PRKN: variants seen among roughly 807,000 people sequenced by gnomAD.
PRKN encodes E3 ubiquitin-protein ligase parkin.
A neutral mutation model predicts 59.5 loss-of-function variants in PRKN; 56 were observed. The observed-to-expected ratio is 0.94, with a 90% CI of 0.76 to 1.18. The LOEUF (loss-of-function observed/expected upper bound fraction) is 1.18, where lower values mean the gene tolerates loss of function less well. Ranked by LOEUF, PRKN falls within the 50% of genes most tolerant of loss-of-function variation. PRKN has a pLI of 0.00. For synonymous variants in PRKN, 250 were observed against 222.1 expected (o/e 1.13, Z -1.12); for missense variants, 657 against 596.4 (o/e 1.10, Z -1.06).
In PRKN at chr6:161,825,065, A is replaced by G. The variant is rs560542048; in HGVS notation, c.735-39157T>C. Among the ~76,000 whole-genome samples the G allele has an allele frequency of 1.5e-4, 23 of 152,302 alleles. No homozygotes were observed. In the East Asian group the frequency reaches 4.4e-3, roughly 29 times the overall value. ...TTTGTAAAACTAAAAGGTACTTTTC[A>G]AAACCATCAATAATAAAAATAAATT... On this transcript the variant is annotated intron_variant, in intron 6 of 11. Coordinates refer to ENST00000366898, the MANE Select transcript of PRKN (RefSeq NM_004562.3).
intron 10 of PRKN, among the ~76,000 whole-genome samples, chr6:161,367,976 G>A (rs1471615908): frequency 6.6e-6 from 1 of 152,090 alleles, no homozygotes; most frequent in Non-Finnish European, 1.5e-5. Context: ...CAGAATCGGA[G>A]CCCCGAGCTG....
intron 1 of PRKN, chr6:162,727,358 G>T: frequency 2.3e-6 from 1 of 441,134 alleles, no homozygotes; most frequent in Non-Finnish European, 4.0e-6. Context: ...GACCCCACAC[G>T]GTCCGGGGGA....
chr6:162,648,158 T>G (rs1334392517), intron 1 of PRKN, among the ~76,000 whole-genome samples: 2 of 151,998 alleles, frequency 1.3e-5, no homozygotes, highest in Non-Finnish European at 2.9e-5. Flanking sequence ...GTATTAAATA[T>G]CACATGTAAC....
chr6:161,469,559 G>T (rs1373848644), intron 9 of PRKN, among the ~76,000 whole-genome samples: 4 of 144,432 alleles, frequency 2.8e-5, no homozygotes, highest in African/African-American at 1.1e-4. Context: ...GAGAGAGAGA[G>T]AGAGAGAGAG....
At chr6:161,389,813 T>C (rs1786428173) in intron 9 of PRKN, among the ~76,000 whole-genome samples, 1 of 152,152 alleles carries the variant, frequency 6.6e-6, no homozygotes, top group Non-Finnish European at 1.5e-5. Flanking sequence ...GGATGAGATA[T>C]AAAATCAGTT....
intron 6 of PRKN, among the ~76,000 whole-genome samples, chr6:161,880,708 A>T (rs1232700608): frequency 1.3e-5 from 2 of 152,138 alleles, no homozygotes; most frequent in African/African-American, 4.8e-5. Context: ...CCAGTGCATC[A>T]TGAGAAGAAC....
At chr6:162,191,227 G>C (rs192323768) in intron 4 of PRKN, among the ~76,000 whole-genome samples, 119 of 152,264 alleles carry the variant, frequency 7.8e-4, no homozygotes, top group Non-Finnish European at 1.4e-3. Context: ...ATAGGAATCC[G>C]ATTTTTTTTG....
chr6:162,595,399 A>G (rs2128215275), intron 1 of PRKN, among the ~76,000 whole-genome samples: 1 of 151,686 alleles, frequency 6.6e-6, no homozygotes, highest in African/African-American at 2.4e-5. Context: ...GGGACTACAG[A>G]TATGTGCCAC....
chr6:162,253,711 C>G (rs888153816), intron 3 of PRKN, among the ~76,000 whole-genome samples: 2 of 151,724 alleles, frequency 1.3e-5, no homozygotes, highest in Non-Finnish European at 2.9e-5. Context: ...TGTAATGATG[C>G]CACAATGGGA....
intron 7 of PRKN, among the ~76,000 whole-genome samples, chr6:161,613,398 G>A (rs1782559824): frequency 6.6e-6 from 1 of 151,822 alleles, no homozygotes; most frequent in Non-Finnish European, 1.5e-5. Context: ...ATCTACTTCT[G>A]GTGAAGACAC....
chr6:162,723,072 TAAA>T (rs1160119817), intron 1 of PRKN, among the ~76,000 whole-genome samples: 1 of 152,166 alleles, frequency 6.6e-6, no homozygotes, highest in African/African-American at 2.4e-5. Flanking sequence ...ATTGAGACTT[TAAA>T]ATTCACTGCA....
At chr6:161,666,928 T>G (rs1187771723) in intron 7 of PRKN, among the ~76,000 whole-genome samples, 1 of 152,170 alleles carries the variant, frequency 6.6e-6, no homozygotes, top group Non-Finnish European at 1.5e-5. Context: ...CTTCATGTAA[T>G]GGGAGACTCA....
At chr6:161,881,426 G>C (rs974922499) in intron 6 of PRKN, among the ~76,000 whole-genome samples, 1 of 152,210 alleles carries the variant, frequency 6.6e-6, no homozygotes, top group East Asian at 1.9e-4. Context: ...GGTGAGTGCA[G>C]TGTGTTTCCT....
intron 4 of PRKN, among the ~76,000 whole-genome samples, chr6:162,078,648 A>C (rs1218476009): frequency 6.6e-6 from 1 of 151,936 alleles, no homozygotes; most frequent in Non-Finnish European, 1.5e-5. Flanking sequence ...CCTCATTTTG[A>C]TTCCCTGTTA....
At chr6:161,902,463 A>AT (rs1777953168) in intron 6 of PRKN, among the ~76,000 whole-genome samples, 2 of 151,926 alleles carry the variant, frequency 1.3e-5, no homozygotes, top group South Asian at 4.2e-4. Context: ...AAATAATTAT[A>AT]TTTTTAGGCA....
intron 4 of PRKN, among the ~76,000 whole-genome samples, chr6:162,119,624 G>A (rs1780822045): frequency 6.6e-6 from 1 of 152,064 alleles, no homozygotes; most frequent in Admixed American, 6.5e-5. Flanking sequence ...AGAAGCAGCT[G>A]TTTTTTCCCC....
intron 4 of PRKN, among the ~76,000 whole-genome samples, chr6:162,190,212 T>G (rs903407197): frequency 6.6e-6 from 1 of 152,170 alleles, no homozygotes; most frequent in Admixed American, 6.5e-5. Context: ...CTAGTCACTT[T>G]ACAAATCATA....
At chr6:162,071,287 CTT>C (rs569983931) in intron 4 of PRKN, among the ~76,000 whole-genome samples, 1 of 151,222 alleles carries the variant, frequency 6.6e-6, no homozygotes, top group African/African-American at 2.4e-5. Context: ...AGCCTCATCT[CTT>C]GTCACTCTAT....
In PRKN at chr6:162,607,165, T is replaced by C. The variant is rs9456800; in HGVS notation, c.7+120497A>G. Among the ~76,000 whole-genome samples, 856 of 152,236 alleles carry C rather than the reference T, an allele frequency of 5.6e-3. 7 individuals carry two copies. Among genetic ancestry groups the C allele is most frequent in the African/African-American group, 0.02 (816 of 41,542 alleles). The stretch of plus-strand genomic sequence containing the variant: ...GAAGTCACAGACACAAAGAGATCTC[T>C]GGGTCTAGACTAGAGATTGATTCAT... On this transcript the variant is annotated intron_variant, in intron 1 of 11. Coordinates refer to ENST00000366898, the MANE Select transcript of PRKN (RefSeq NM_004562.3).
Sources: allele counts gnomAD v4.1 joint callset (sites outside exome capture counted in the v4.1 genomes callset), GRCh38; gene constraint gnomAD v4.1.1; transcripts MANE v1.5; gene names NCBI Gene and HGNC (gene_info 2026-07-23, HGNC 2026-07-21).